The following ADRA1A variants were observed in gnomAD, a reference collection of about 807,000 sequenced individuals.
The protein encoded by ADRA1A is adrenoceptor alpha 1A, also known as alpha-1A adrenergic receptor.
ADRA1A carries 31 observed loss-of-function variants against 29.6 expected under a neutral mutation model. The ratio of observed to expected loss-of-function variants is 1.05; its 90% CI spans 0.79 to 1.41. ADRA1A has a LOEUF of 1.41. Ranked by LOEUF, ADRA1A falls within the 40% of genes most tolerant of loss-of-function variation. The pLI is 0.00. For synonymous variants in ADRA1A, 311 were observed against 254.3 expected (o/e 1.22, Z -2.12); for missense variants, 619 against 601.1 (o/e 1.03, Z -0.31).
intron 2 of ADRA1A, among the ~76,000 whole-genome samples, chr8:26,846,093 A>G (rs1012721309): frequency 6.6e-6 from 1 of 152,244 alleles, no homozygotes; most frequent in African/African-American, 2.4e-5. Flanking sequence ...GAATTTAATT[A>G]CAATTAAAAC....
Position 26,789,395 on chromosome 8 carries a change from G to A in ADRA1A, c.884-18729C>T, listed in dbSNP as rs78146443. Among the ~76,000 whole-genome samples, 846 of 152,250 alleles carry A rather than the reference G, an allele frequency of 5.6e-3. 3 individuals carry two copies. Among genetic ancestry groups the A allele is most frequent in the African/African-American group, 0.018 (736 of 41,546 alleles). ...AACTGATTTTCAACAAAGCTGCCAA[G>A]AACATACAGTGGGGCAAGGATAGTA... On this transcript the variant is annotated intron_variant, in intron 2 of 2. Transcript: ENST00000380573.
chr8:26,781,215 A>G (rs906700588), intron 2 of ADRA1A, among the ~76,000 whole-genome samples: 2 of 152,196 alleles, frequency 1.3e-5, no homozygotes, highest in African/African-American at 4.8e-5. Context: ...ACTCCCTTGA[A>G]GGAAGAGCTT....
At chr8:26,800,425 A>G (rs368246920) in intron 2 of ADRA1A, among the ~76,000 whole-genome samples, 4 of 152,306 alleles carry the variant, frequency 2.6e-5, no homozygotes, top group African/African-American at 7.2e-5. Flanking sequence ...AGGTAGCTCA[A>G]TGGGGGAAAG....
chr8:26,785,024 A>C (rs1388898163), intron 2 of ADRA1A, among the ~76,000 whole-genome samples: 2 of 152,176 alleles, frequency 1.3e-5, no homozygotes, highest in Non-Finnish European at 2.9e-5. Context: ...TAAATCCTGA[A>C]ATTTTACAAC....
intron 2 of ADRA1A, among the ~76,000 whole-genome samples, chr8:26,842,866 T>TACACACACACACACACACAC (rs57750998): frequency 1.4e-5 from 2 of 142,648 alleles, no homozygotes; most frequent in Non-Finnish European, 3.0e-5. Context: ...TCTCTCTTTC[T>TACACACACACACACACACAC]ACACACACAC....
At position 26,865,324 on chromosome 8, in the gene ADRA1A, A is replaced by C; in HGVS notation, c.-355T>G. On this transcript the variant is annotated 5_prime_UTR_variant, in exon 2 of 3. Transcript: ENST00000380573. The surrounding 1 kb of genome is among the most constrained non-coding windows in gnomAD (Gnocchi z 7.6). ...ACTCCTTGCAACATGCAATTCCAGA[A>C]TTACGAGAATCTGCTTTTCCGCGCT... 3.7e-6 allele frequency: 4 copies of C among 1,094,704 alleles called. No individual in the cohort carries two copies. The highest frequency in any genetic ancestry group is 1.6e-5 in the African/African-American group (1 of 60,662). 67.8% of individuals were successfully genotyped at this position (1,094,704 alleles called of 1,614,324 possible). A position where few individuals can be genotyped will look rare whatever the true frequency, so the allele number is the denominator to read the frequency against.
chr8:26,772,883 A>ATG (rs79239280), intron 2 of ADRA1A, among the ~76,000 whole-genome samples: 75 of 151,652 alleles, frequency 4.9e-4, no homozygotes, highest in African/African-American at 9.0e-4. Flanking sequence ...ACACACACAC[A>ATG]ATGGGTGTTT....
intron 2 of ADRA1A, among the ~76,000 whole-genome samples, chr8:26,759,775 GA>G (rs1278955369): frequency 2.0e-5 from 3 of 152,228 alleles, no homozygotes; most frequent in African/African-American, 7.2e-5. Context: ...GGGAGGAGAA[GA>G]AACGCAATTT....
chr8:26,813,260 C>G (rs1376632553), intron 2 of ADRA1A, among the ~76,000 whole-genome samples: 1 of 152,058 alleles, frequency 6.6e-6, no homozygotes, highest in African/African-American at 2.4e-5. Flanking sequence ...CCTAAGTCAC[C>G]AAAGGAGCAG....
In ADRA1A at chr8:26,841,907, G is replaced by A. The variant is rs1364328165; in HGVS notation, c.883+22180C>T. ...CTTTTTGTTGCCAGGATTTTATGCT[G>A]TGGTGAGTCTCCCACTTTTCCAAAA... On this transcript the variant is annotated intron_variant, in intron 2 of 2. Coordinates refer to ENST00000380573, the MANE Select transcript of ADRA1A (RefSeq NM_000680.4). The surrounding 1 kb of genome is among the most constrained non-coding windows in gnomAD (Gnocchi z 4.4). Among the ~76,000 whole-genome samples, 1 of 152,074 alleles carries A rather than the reference G, an allele frequency of 6.6e-6. No individual in the cohort carries two copies. Among genetic ancestry groups the A allele is most frequent in the Non-Finnish European group, 1.5e-5 (1 of 68,022 alleles).
rs1807498259 is a variant in ADRA1A at position 26,787,682 on chromosome 8, T to C, written c.884-17016A>G. ...ACACAGACTTCTTAGTTCTTAGTAC[T>C]TGTTCCCCAGGGAGGAAATCCCGAC... On this transcript the variant is annotated intron_variant, in intron 2 of 2. Transcript: ENST00000380573. The surrounding 1 kb of genome is among the most constrained non-coding windows in gnomAD (Gnocchi z 4.2). Among the ~76,000 whole-genome samples, 1 of 152,018 alleles carries C rather than the reference T, an allele frequency of 6.6e-6. No individual in the cohort carries two copies. Among genetic ancestry groups the C allele is most frequent in the African/African-American group, 2.4e-5 (1 of 41,378 alleles).
intron 2 of ADRA1A, among the ~76,000 whole-genome samples, chr8:26,749,668 T>C (rs932041542): frequency 1.3e-5 from 2 of 152,248 alleles, no homozygotes; most frequent in Non-Finnish European, 2.9e-5. Flanking sequence ...CTTTTCTCTT[T>C]GTATTTGCTC....
chr8:26,838,238 A>G (rs577382931), intron 2 of ADRA1A, among the ~76,000 whole-genome samples: 1 of 152,296 alleles, frequency 6.6e-6, no homozygotes, highest in East Asian at 1.9e-4. Context: ...TTTCCTTTTT[A>G]CATTCAGATA....
chr8:26,827,076 G>A (rs1384486616), intron 2 of ADRA1A, among the ~76,000 whole-genome samples: 16 of 152,176 alleles, frequency 1.1e-4, no homozygotes, highest in Admixed American at 5.9e-4. Flanking sequence ...ATGGTACTGC[G>A]TGAAGAAGAA....
chr8:26,810,883 A>G (rs1489830581), intron 2 of ADRA1A, among the ~76,000 whole-genome samples: 1 of 152,184 alleles, frequency 6.6e-6, no homozygotes, highest in African/African-American at 2.4e-5. Flanking sequence ...TGATTAATCA[A>G]TTAGTTGAAA....
intron 2 of ADRA1A, among the ~76,000 whole-genome samples, chr8:26,854,983 G>A (rs1812914927): frequency 6.6e-6 from 1 of 152,170 alleles, no homozygotes; most frequent in Non-Finnish European, 1.5e-5. Flanking sequence ...AAAGATGAAG[G>A]TAGGTCTTCT....
intron 2 of ADRA1A, chr8:26,757,085 C>T (rs1009012663): frequency 5.7e-6 from 4 of 702,610 alleles, no homozygotes; most frequent in African/African-American, 1.7e-5. Flanking sequence ...AACACCAATC[C>T]GTTCATCCTT....
chr8:26,852,756 G>A (rs184104333), intron 2 of ADRA1A, among the ~76,000 whole-genome samples: 33 of 152,138 alleles, frequency 2.2e-4, no homozygotes, highest in Middle Eastern at 3.4e-3. Context: ...TAATTCTTAC[G>A]GTATTTAAGC....
At chr8:26,785,886 G>A (rs559860216) in intron 2 of ADRA1A, among the ~76,000 whole-genome samples, 1 of 152,290 alleles carries the variant, frequency 6.6e-6, no homozygotes, top group East Asian at 1.9e-4. Flanking sequence ...GTCTTCAGTA[G>A]ATCAGAACTC....
Sources: gnomAD v4.1 joint callset for allele counts (sites outside exome capture counted in the v4.1 genomes callset) on GRCh38, gnomAD v4.1.1 for gene constraint, Gnocchi (gnomAD v3.1) non-coding constraint, MANE v1.5 for transcripts, NCBI Gene and HGNC (gene_info 2026-07-23, HGNC 2026-07-21) for gene names.